ACYP2: variants seen among roughly 807,000 people sequenced by gnomAD.
ACYP2 encodes the protein acylphosphatase 2.
Under a neutral mutation model 11.2 loss-of-function variants are expected in ACYP2, and 12 were observed. That is an observed-to-expected ratio of 1.08 (90% confidence interval 0.69 to 1.74). The LOEUF (loss-of-function observed/expected upper bound fraction) is 1.74. Ranked by LOEUF, ACYP2 falls within the 40% of genes most tolerant of loss-of-function variation. The pLI is 0.00. For synonymous variants in ACYP2, 43 were observed against 32.2 expected, an observed-to-expected ratio of 1.33 and a Z score of -1.13; for missense variants, 134 against 101.9, an observed-to-expected ratio of 1.31 and a Z score of -1.35.
intron 2 of ACYP2, among the ~76,000 whole-genome samples, chr2:53,995,428 T>C (rs1346457906): frequency 2.6e-5 from 4 of 151,958 alleles, no homozygotes; most frequent in Non-Finnish European, 5.9e-5. Flanking sequence ...ACTTAAAATA[T>C]CTTCTTTAAT....
chr2:54,250,340 G>T (rs568264763), intron 6 of ACYP2, among the ~76,000 whole-genome samples: 1 of 152,130 alleles, frequency 6.6e-6, no homozygotes, highest in Non-Finnish European at 1.5e-5. Flanking sequence ...CGGCGTGGTG[G>T]CGCACGCCTG....
chr2:54,256,589 A>G (rs1667873358), intron 6 of ACYP2, among the ~76,000 whole-genome samples: 2 of 152,136 alleles, frequency 1.3e-5, no homozygotes, highest in Admixed American at 6.5e-5. Flanking sequence ...CAGTATAGGT[A>G]TTACAAATAT....
chr2:54,255,129 A>G (rs748387994), intron 6 of ACYP2: 3 of 1,614,046 alleles, frequency 1.9e-6, no homozygotes, highest in Non-Finnish European at 2.5e-6. Context: ...GTCGGTTCCT[A>G]TGAATGAAGG....
intron 2 of ACYP2, among the ~76,000 whole-genome samples, chr2:54,048,451 G>A (rs1457160624): frequency 6.6e-6 from 1 of 152,098 alleles, no homozygotes; most frequent in East Asian, 1.9e-4. Flanking sequence ...AATTAACCAT[G>A]TGTTAACAGC....
chr2:54,112,878 G>C, intron 4 of ACYP2, among the ~76,000 whole-genome samples: 1 of 152,172 alleles, frequency 6.6e-6, no homozygotes, highest in East Asian at 1.9e-4. Flanking sequence ...TGTTGCTATA[G>C]CACTTCTAAA....
intron 2 of ACYP2, among the ~76,000 whole-genome samples, chr2:54,042,254 C>T: frequency 6.6e-6 from 1 of 152,226 alleles, no homozygotes; most frequent in Non-Finnish European, 1.5e-5. Context: ...GATCCCCCTG[C>T]CTTGGCCTCC....
chr2:53,999,787 A>T (rs920195709), intron 2 of ACYP2, among the ~76,000 whole-genome samples: 1 of 152,166 alleles, frequency 6.6e-6, no homozygotes, highest in Non-Finnish European at 1.5e-5. Context: ...AAAATACTTT[A>T]ATAATAAAAT....
chr2:54,304,380 A>T (rs1200750798), intron 6 of ACYP2, among the ~76,000 whole-genome samples: 1 of 152,152 alleles, frequency 6.6e-6, no homozygotes, highest in African/African-American at 2.4e-5. Context: ...CGTTTTGAGT[A>T]TAAGAGCCAG....
intron 2 of ACYP2, among the ~76,000 whole-genome samples, chr2:54,022,821 C>T (rs149879026): frequency 2.9e-4 from 44 of 152,262 alleles, no homozygotes; most frequent in Non-Finnish European, 5.3e-4. Context: ...GATGGAGAGA[C>T]GCCTCCCAAG....
chr2:54,213,259 A>T (rs1685405519), intron 6 of ACYP2, among the ~76,000 whole-genome samples: 1 of 152,158 alleles, frequency 6.6e-6, no homozygotes, highest in African/African-American at 2.4e-5. Flanking sequence ...GTTGCTGCAA[A>T]GGACATGATT....
intron 4 of ACYP2, among the ~76,000 whole-genome samples, chr2:54,132,390 A>G (rs1386333907): frequency 1.3e-5 from 2 of 152,068 alleles, no homozygotes; most frequent in Non-Finnish European, 2.9e-5. Context: ...TTGAACATCT[A>G]TCTCTTGAAA....
intron 4 of ACYP2, among the ~76,000 whole-genome samples, chr2:54,081,422 A>G (rs973715820): frequency 4.6e-5 from 7 of 152,146 alleles, no homozygotes; most frequent in African/African-American, 1.7e-4. Context: ...TTTTTATTGT[A>G]CCTTCTCTAT....
At chr2:54,278,258 G>A (rs1229270104) in intron 6 of ACYP2, among the ~76,000 whole-genome samples, 1 of 152,218 alleles carries the variant, frequency 6.6e-6, no homozygotes, top group East Asian at 1.9e-4. Context: ...GATTACAGGC[G>A]TCAGCCACCG....
At chr2:54,228,947 T>G (rs901541102) in intron 6 of ACYP2, among the ~76,000 whole-genome samples, 1 of 152,234 alleles carries the variant, frequency 6.6e-6, no homozygotes. Context: ...TAATTCAAAG[T>G]AGAGGCAGCA....
chr2:54,047,035 A>G (rs1359695495), intron 2 of ACYP2, among the ~76,000 whole-genome samples: 1 of 152,192 alleles, frequency 6.6e-6, no homozygotes, highest in East Asian at 1.9e-4. Flanking sequence ...TTTTCAGTAG[A>G]TATTATTCGT....
chr2:54,158,491 C>A (rs1682543906), intron 6 of ACYP2, among the ~76,000 whole-genome samples: 2 of 152,238 alleles, frequency 1.3e-5, no homozygotes, highest in Non-Finnish European at 2.9e-5. Flanking sequence ...CAGGCATGAG[C>A]CACTGCACCC....
chr2:53,992,401 G>C (rs1672344555), intron 2 of ACYP2, among the ~76,000 whole-genome samples: 2 of 152,148 alleles, frequency 1.3e-5, no homozygotes, highest in Non-Finnish European at 2.9e-5. Flanking sequence ...ACTCTGAATG[G>C]ACTATAGATT....
chr2:54,212,426 T>G (rs1242251448), intron 6 of ACYP2, among the ~76,000 whole-genome samples: 4 of 152,316 alleles, frequency 2.6e-5, no homozygotes, highest in African/African-American at 9.6e-5. Flanking sequence ...AATCTCCTTT[T>G]CCCTGCACGG....
At chr2:54,206,478 T>G (rs1443226757) in intron 6 of ACYP2, among the ~76,000 whole-genome samples, 1 of 152,258 alleles carries the variant, frequency 6.6e-6, no homozygotes, top group Non-Finnish European at 1.5e-5. Context: ...TTAATTAGGT[T>G]GCCTGTCACT....
Sources: gnomAD v4.1 joint callset for allele counts (sites outside exome capture counted in the v4.1 genomes callset) on GRCh38, gnomAD v4.1.1 for gene constraint, MANE v1.5 for transcripts, NCBI Gene and HGNC (gene_info 2026-07-23, HGNC 2026-07-21) for gene names.